YLPM1: variants seen among roughly 807,000 people sequenced by gnomAD.
YLPM1 encodes the protein YLP motif-containing protein 1.
Under a neutral mutation model 230.0 loss-of-function variants are expected in YLPM1, and 99 were observed. That is an observed-to-expected ratio of 0.43 (90% CI 0.37 to 0.51). YLPM1 has a LOEUF of 0.51. YLPM1 is among the 20% of genes least tolerant of loss of function. YLPM1 has a pLI of 0.00. For synonymous variants in YLPM1, 984 were observed against 942.5 expected (o/e 1.04, Z -0.81); for missense variants, 2,592 against 2,707.7 (o/e 0.96, Z 0.95).
chr14:74,813,963 T>A (rs902943511), intron 11 of YLPM1, among the ~76,000 whole-genome samples: 1 of 152,238 alleles, frequency 6.6e-6, no homozygotes, highest in Non-Finnish European at 1.5e-5. Flanking sequence ...TCTTGCCTAA[T>A]TGCCCTGGCT....
chr14:74,792,957 A>T (rs1594821795), intron 4 of YLPM1, among the ~76,000 whole-genome samples: 1 of 152,292 alleles, frequency 6.6e-6, no homozygotes, highest in East Asian at 1.9e-4. Flanking sequence ...TCTCACACTT[A>T]CTTGCTAATT....
chr14:74,821,050 G>C lies in YLPM1; in HGVS notation c.6031-7G>C. The stretch of plus-strand genomic sequence containing the variant: ...GTCTTTTTTTTTTTTTTTAATGGTT[G>C]GTATAGGTAGAGATGGAAGATTTTG... On this transcript the variant is annotated splice_region_variant and splice_polypyrimidine_tract_variant and intron_variant, in intron 16 of 20. Transcript: ENST00000325680. 3 of 1,451,758 alleles carry C rather than the reference G, an allele frequency of 2.1e-6. No homozygotes were observed. The highest frequency in any genetic ancestry group is 2.7e-6 in the Non-Finnish European group (3 of 1,103,844). 89.9% of individuals were successfully genotyped at this position (1,451,758 alleles called of 1,614,324 possible).
intron 7 of YLPM1, 28 bp from the exon 8 acceptor site, chr14:74,809,882 G>A (rs777217809): frequency 6.2e-7 from 1 of 1,603,356 alleles, no homozygotes; most frequent in South Asian, 1.1e-5. Flanking sequence ...CACTCTTACA[G>A]TACTTTATCT....
chr14:74,780,363 G>T, intron 2 of YLPM1, 42 bp from the exon 3 acceptor site: 1 of 1,559,768 alleles, frequency 6.4e-7, no homozygotes, highest in Admixed American at 2.0e-5. Flanking sequence ...TTTGCTTGCT[G>T]TTTTATGACT....
chr14:74,829,499 T>A (rs1460820323), intron 19 of YLPM1, among the ~76,000 whole-genome samples, 156 bp downstream of exon 19: 1 of 152,184 alleles, frequency 6.6e-6, no homozygotes. Flanking sequence ...ACCTTATAAA[T>A]TATCTCATCA....
intron 4 of YLPM1, among the ~76,000 whole-genome samples, chr14:74,788,322 G>A (rs1321937370): frequency 6.6e-6 from 1 of 151,992 alleles, no homozygotes. Context: ...GGGTTTCACC[G>A]TGTTAGCCAG....
At position 74,817,736 on chromosome 14, in the gene YLPM1, T is replaced by C. The variant is rs535379874; in HGVS notation, c.5946+459T>C. 6.6e-5 allele frequency among the ~76,000 whole-genome samples: 10 copies of C among 152,260 alleles called. No individual in the cohort carries two copies. In the South Asian group the frequency reaches 2.1e-3, roughly 32 times the overall value. ...TTTAGTAAATGTTTCTCTTCCTTTG[T>C]TTCTTTTCCTAGCTCTTCTTGAAAT... On this transcript the variant is annotated intron_variant, in intron 15 of 20. Transcript: ENST00000325680.
intron 11 of YLPM1, among the ~76,000 whole-genome samples, chr14:74,814,451 G>A (rs191065023): frequency 1.3e-5 from 2 of 152,316 alleles, no homozygotes; most frequent in East Asian, 3.9e-4. Context: ...CTAGTTTGTT[G>A]AATGTTTTTA....
intron 19 of YLPM1, 177 bp from the exon 20 acceptor site, chr14:74,835,088 T>C: frequency 1.3e-6 from 1 of 742,202 alleles, no homozygotes; most frequent in South Asian, 2.2e-5. Context: ...GTCCAGAGAG[T>C]TTTCTCTTTG....
chr14:74,818,168 G>T, intron 15 of YLPM1, 63 bp from the exon 16 acceptor site: 1 of 975,576 alleles, frequency 1.0e-6, no homozygotes, highest in East Asian at 2.8e-5. Context: ...TGTTTATCTT[G>T]GATGCTTACT....
At chr14:74,776,077 A>C (rs1390656720) in intron 1 of YLPM1, among the ~76,000 whole-genome samples, 1 of 152,214 alleles carries the variant, frequency 6.6e-6, no homozygotes, top group Non-Finnish European at 1.5e-5. Flanking sequence ...TTCTTTATGC[A>C]ACCTTGTAAC....
At chr14:74,832,704 C>T (rs950047393) in intron 19 of YLPM1, among the ~76,000 whole-genome samples, 14 of 152,146 alleles carry the variant, frequency 9.2e-5, no homozygotes, top group African/African-American at 3.4e-4. Flanking sequence ...AACTCCTGAC[C>T]TCAGGTGATC....
At chr14:74,792,127 C>CT (rs1274237159) in intron 4 of YLPM1, among the ~76,000 whole-genome samples, 1 of 151,942 alleles carries the variant, frequency 6.6e-6, no homozygotes, top group Non-Finnish European at 1.5e-5. Context: ...AAGCGGCATA[C>CT]TTTTTTTTCC....
At chr14:74,800,777 A>G (rs1173339645) in intron 5 of YLPM1, among the ~76,000 whole-genome samples, 1 of 152,204 alleles carries the variant, frequency 6.6e-6, no homozygotes, top group Non-Finnish European at 1.5e-5. Context: ...GCTATAGAAT[A>G]TTTAGCTACT....
chr14:74,772,217 C>CTT (rs543491337), intron 1 of YLPM1, among the ~76,000 whole-genome samples: 13 of 138,766 alleles, frequency 9.4e-5, no homozygotes, highest in Non-Finnish European at 1.4e-4. Flanking sequence ...CAACATCTTT[C>CTT]TTTTTTTTTT....
intron 2 of YLPM1, among the ~76,000 whole-genome samples, chr14:74,779,002 G>A (rs1000444212): frequency 2.0e-5 from 3 of 151,872 alleles, no homozygotes; most frequent in East Asian, 1.9e-4. Flanking sequence ...CACCATGACC[G>A]GCTAATTTTT....
rs968590191 is a variant in YLPM1, at chr14:74,781,544, A to C, written c.1501A>C (p.Asn501His). 14 of 1,613,888 alleles carry C rather than the reference A, an allele frequency of 8.7e-6. 1 individual carries two copies. In the Middle Eastern group the frequency reaches 4.9e-4, roughly 57 times the overall value. ...ATQSYLQEKVNSFQNMKNQYM... is the reference protein window; with the variant it reads ...ATQSYLQEKVHSFQNMKNQYM... ...TCAGAGCTATCTCCAGGAGAAAGTC[A>C]ATTCATTTCAGAACATGAAGAACCA... is the stretch of plus-strand genomic sequence containing the variant. The change falls in exon 4 of 21, where the codon AAT (asparagine) becomes CAT (histidine). Residue 501 changes from asparagine to histidine, a missense_variant. This residue lies in a region of YLPM1 where 1,862 missense variants were observed against 1,819.8 expected (regional missense o/e 1.02). Coordinates refer to ENST00000325680, the MANE Select transcript of YLPM1 (RefSeq NM_019589.3).
At chr14:74,795,184 GT>G (rs2091247866) in intron 4 of YLPM1, among the ~76,000 whole-genome samples, 2 of 152,152 alleles carry the variant, frequency 1.3e-5, no homozygotes, top group Non-Finnish European at 2.9e-5. Flanking sequence ...GAAAGTTAGG[GT>G]CAGTTATCCC....
intron 6 of YLPM1, among the ~76,000 whole-genome samples, chr14:74,805,023 CTTTT>C (rs369306225): frequency 1.4e-5 from 2 of 139,096 alleles, no homozygotes; most frequent in African/African-American, 5.3e-5. Flanking sequence ...TTCTTTTTTC[CTTTT>C]TTTTTTTTTT....
Sources: allele counts gnomAD v4.1 joint callset (sites outside exome capture counted in the v4.1 genomes callset), GRCh38; gene constraint gnomAD v4.1.1; regional missense constraint gnomAD v4.1.1; transcripts MANE v1.5; gene names NCBI Gene and HGNC (gene_info 2026-07-23, HGNC 2026-07-21).